SLC35D4: variants seen among roughly 807,000 people sequenced by gnomAD.
SLC35D4 encodes UDP-N-acetylglucosamine transporter SLC35D4.
chr18:23,401,905 C>T, the SLC35D4 span, among the ~76,000 whole-genome samples: 1 of 152,190 alleles, frequency 6.6e-6, no homozygotes, highest in Non-Finnish European at 1.5e-5. Flanking sequence ...ATAACTTTAA[C>T]TAGAAAAGAG....
the SLC35D4 span, chr18:23,384,921 T>C: frequency 6.8e-7 from 1 of 1,480,182 alleles, no homozygotes; most frequent in Non-Finnish European, 9.3e-7. Context: ...ATTTGGGCCA[T>C]AAAAAGAAGA....
the SLC35D4 span, among the ~76,000 whole-genome samples, chr18:23,417,107 T>C: frequency 6.6e-6 from 1 of 151,988 alleles, no homozygotes; most frequent in Non-Finnish European, 1.5e-5. Context: ...CTGGGCATGG[T>C]AGTGCACACG....
the SLC35D4 span, among the ~76,000 whole-genome samples, chr18:23,343,967 C>A: frequency 6.6e-6 from 1 of 150,958 alleles, no homozygotes; most frequent in African/African-American, 2.4e-5. Context: ...GGCGCTATCT[C>A]AGCTCACTGA....
chr18:23,419,160 T>G, the SLC35D4 span, among the ~76,000 whole-genome samples: 1 of 152,212 alleles, frequency 6.6e-6, no homozygotes, highest in Non-Finnish European at 1.5e-5. Flanking sequence ...TCTTTTCACT[T>G]TGTGCATCAT....
At chr18:23,283,474 A>G in the SLC35D4 span, among the ~76,000 whole-genome samples, 1 of 147,198 alleles carries the variant, frequency 6.8e-6, no homozygotes, top group African/African-American at 2.5e-5. Flanking sequence ...CCAGTCTCAA[A>G]AAAAAAAAAA....
At chr18:23,241,346 C>G in the SLC35D4 span, among the ~76,000 whole-genome samples, 1 of 151,922 alleles carries the variant, frequency 6.6e-6, no homozygotes, top group Admixed American at 6.6e-5. Flanking sequence ...GCCTGGCTAA[C>G]GTGATGAAAC....
the SLC35D4 span, among the ~76,000 whole-genome samples, chr18:23,345,838 A>G: frequency 3.3e-5 from 5 of 152,264 alleles, no homozygotes; most frequent in East Asian, 7.7e-4. Flanking sequence ...ATTCCTCTCA[A>G]AAAGGTTTTA....
At chr18:23,323,176 A>G in the SLC35D4 span, among the ~76,000 whole-genome samples, 1 of 152,260 alleles carries the variant, frequency 6.6e-6, no homozygotes, top group Non-Finnish European at 1.5e-5. Context: ...ATTTAAGCTC[A>G]AAGGAGCGTT....
chr18:23,335,269 A>C, the SLC35D4 span, among the ~76,000 whole-genome samples: 14 of 152,322 alleles, frequency 9.2e-5, no homozygotes, highest in South Asian at 2.1e-3. Flanking sequence ...ATTCTTCCAA[A>C]TTTACATGTC....
the SLC35D4 span, among the ~76,000 whole-genome samples, chr18:23,249,846 G>A: frequency 1.3e-5 from 2 of 152,248 alleles, no homozygotes; most frequent in Admixed American, 6.5e-5. Flanking sequence ...TGCTTATTCA[G>A]TACCATGAAG....
At chr18:23,265,283 C>G in the SLC35D4 span, among the ~76,000 whole-genome samples, 1 of 152,124 alleles carries the variant, frequency 6.6e-6, no homozygotes, top group African/African-American at 2.4e-5. Flanking sequence ...TCCACCCCAG[C>G]CAAGGGGCCC....
At chr18:23,254,927 G>T in the SLC35D4 span, among the ~76,000 whole-genome samples, 1 of 152,222 alleles carries the variant, frequency 6.6e-6, no homozygotes, top group South Asian at 2.1e-4. Flanking sequence ...TGTGGGGGCT[G>T]TGTATGGAAG....
chr18:23,414,331 A>AAGGAAGGAAGGAAGGC, the SLC35D4 span, among the ~76,000 whole-genome samples: 5,421 of 140,024 alleles, frequency 0.039, 152 homozygotes, highest in Middle Eastern at 0.055. Context: ...GGAAGGAAGG[A>AAGGAAGGAAGGAAGGC]AGGCAGGCAG....
At chr18:23,253,916 G>T in the SLC35D4 span, 10 of 1,614,152 alleles carry the variant, frequency 6.2e-6, no homozygotes, top group Non-Finnish European at 8.5e-6. Context: ...CAAAAAACAC[G>T]AAGTCAAGCA....
the SLC35D4 span, among the ~76,000 whole-genome samples, chr18:23,363,911 G>A: frequency 6.6e-6 from 1 of 152,330 alleles, no homozygotes; most frequent in Non-Finnish European, 1.5e-5. Flanking sequence ...AGCCAACCTT[G>A]GAGTTTTGAG....
the SLC35D4 span, among the ~76,000 whole-genome samples, chr18:23,431,067 T>A: frequency 7.5e-6 from 1 of 133,038 alleles, no homozygotes; most frequent in Non-Finnish European, 1.5e-5. Context: ...GGCAGAAGAA[T>A]CGCTTGAACC....
chr18:23,374,458 T>C, the SLC35D4 span, among the ~76,000 whole-genome samples: 1 of 151,398 alleles, frequency 6.6e-6, no homozygotes, highest in Non-Finnish European at 1.5e-5. Flanking sequence ...CTGTTCTAGA[T>C]TAAAGGGTAC....
At chr18:23,344,052 C>T in the SLC35D4 span, among the ~76,000 whole-genome samples, 9 of 152,116 alleles carry the variant, frequency 5.9e-5, no homozygotes, top group South Asian at 8.3e-4. Flanking sequence ...GTGCGTGCCA[C>T]GACGCCCAGC....
At chr18:23,264,041 C>A in the SLC35D4 span, among the ~76,000 whole-genome samples, 1 of 152,240 alleles carries the variant, frequency 6.6e-6, no homozygotes, top group Non-Finnish European at 1.5e-5. Context: ...CAAATAAACA[C>A]TGGTTGAGTT....
Sources: gnomAD v4.1 joint callset for allele counts (sites outside exome capture counted in the v4.1 genomes callset) on GRCh38, gnomAD v4.1.1 for gene constraint, MANE v1.5 for transcripts, NCBI Gene and HGNC (gene_info 2026-07-23, HGNC 2026-07-21) for gene names.